Variants in FOXP1 observed in about 807,000 individuals in gnomAD.
The protein encoded by FOXP1 is forkhead box protein P1.
A neutral mutation model predicts 98.2 loss-of-function variants in FOXP1; 15 were observed. The observed-to-expected ratio is 0.15, with a 90% confidence interval of 0.10 to 0.24. FOXP1 has a LOEUF of 0.24. FOXP1 is among the 10% of genes least tolerant of loss of function. FOXP1 has a pLI of 1.00. For missense variants in FOXP1, 633 were observed against 848.5 expected, an observed-to-expected ratio of 0.75 and a Z score of 3.15; for synonymous variants, 371 against 314.5, an observed-to-expected ratio of 1.18 and a Z score of -1.90.
intron 10 of FOXP1, among the ~76,000 whole-genome samples, chr3:71,043,113 C>T (rs1057378494): frequency 1.3e-5 from 2 of 152,134 alleles, no homozygotes; most frequent in African/African-American, 4.8e-5. Context: ...TCCCTCCTAA[C>T]GGTTCTCCAC....
rs185935783 is a variant in FOXP1 at position 71,461,756 on chromosome 3, C to T, written c.-168+31670G>A. Among the ~76,000 whole-genome samples the T allele has an allele frequency of 1.4e-4, 21 of 150,838 alleles. No individual in the cohort carries two copies. In the East Asian group the frequency reaches 3.7e-3, roughly 27 times the overall value. On this transcript the variant is annotated intron_variant, in intron 3 of 20. Transcript: ENST00000649528. ...CAAAGGGTGCAGTGAGCCAAGATCG[C>T]GCCACTGCACTCCAGCCTGGGAAAA...
chr3:71,555,153 T>C (rs769471008), intron 2 of FOXP1, among the ~76,000 whole-genome samples: 1 of 152,234 alleles, frequency 6.6e-6, no homozygotes, highest in Non-Finnish European at 1.5e-5. Flanking sequence ...ACCTACTTTA[T>C]TAAGAACACT....
At chr3:71,343,032 A>G (rs2077106328) in intron 4 of FOXP1, among the ~76,000 whole-genome samples, 1 of 152,246 alleles carries the variant, frequency 6.6e-6, no homozygotes, top group African/African-American at 2.4e-5. Context: ...TAGTACTTAC[A>G]AGAACTCAGT....
At chr3:71,121,129 A>G (rs2058734387) in intron 6 of FOXP1, among the ~76,000 whole-genome samples, 1 of 151,308 alleles carries the variant, frequency 6.6e-6, no homozygotes, top group Non-Finnish European at 1.5e-5. Context: ...TGCCTGCATT[A>G]GCGTTGTGAG....
At position 71,583,574 on chromosome 3, in the gene FOXP1, C is replaced by T. The variant is rs1403066682; in HGVS notation, c.-450G>A. ...AAATGGAAAAATACAAACTCACCCG[C>T]TGCAAATGGTCTCTCGGTGCAAACT... is the stretch of plus-strand genomic sequence containing the variant. On this transcript the variant is annotated 5_prime_UTR_variant, in exon 1 of 21. Transcript: ENST00000649528. 1.0e-6 allele frequency: 1 copy of T among 983,656 alleles called. No individual in the cohort carries two copies. The highest frequency in any genetic ancestry group is 1.2e-6 in the Non-Finnish European group (1 of 829,522). 60.9% of individuals were successfully genotyped at this position (983,656 alleles called of 1,614,324 possible).
chr3:70,996,926 C>T (rs1294914923), intron 13 of FOXP1, among the ~76,000 whole-genome samples: 1 of 152,170 alleles, frequency 6.6e-6, no homozygotes, highest in African/African-American at 2.4e-5. Context: ...CAGTGATCAT[C>T]CCCCTTTGGA....
intron 5 of FOXP1, among the ~76,000 whole-genome samples, chr3:71,260,537 AT>A (rs35677326): frequency 6.2e-4 from 89 of 143,124 alleles, no homozygotes; most frequent in Admixed American, 1.3e-3. Context: ...ATTTCCTTTA[AT>A]TTTTTTTTTT....
At chr3:71,414,638 G>A (rs2083063938) in intron 3 of FOXP1, among the ~76,000 whole-genome samples, 1 of 152,222 alleles carries the variant, frequency 6.6e-6, no homozygotes, top group Non-Finnish European at 1.5e-5. Flanking sequence ...TTCTAGACGT[G>A]CCCCAGCCCG....
chr3:71,126,809 G>C (rs2059216909), intron 6 of FOXP1, among the ~76,000 whole-genome samples: 1 of 139,950 alleles, frequency 7.1e-6, no homozygotes, highest in African/African-American at 2.7e-5. Context: ...GGGTTACAGA[G>C]CAAGACTCTG....
At chr3:70,993,919 G>A (rs567527091) in intron 13 of FOXP1, among the ~76,000 whole-genome samples, 8 of 151,760 alleles carry the variant, frequency 5.3e-5, no homozygotes, top group South Asian at 2.1e-4. Context: ...GCTTGAACCC[G>A]GGAGGTGGAA....
rs2108382372 is a variant in FOXP1 at position 71,198,348 on chromosome 3, T to A, written c.34A>T (p.Asn12Tyr). Reference protein sequence around the residue: ...MQESGTETKSNGSAIQNGSGG... With the variant: ...MQESGTETKSYGSAIQNGSGG... Reference sequence around the variant, plus strand: ...GACCCATTCTGGATGGCTGAACCGTTACTTTTTGTCTCAGTCCCAGATTCT... The same window carrying A: ...GACCCATTCTGGATGGCTGAACCGTAACTTTTTGTCTCAGTCCCAGATTCT... The change falls in exon 6 of 21, where the codon AAC (asparagine) becomes TAC (tyrosine). Residue 12 changes from asparagine to tyrosine, a missense_variant. Physicochemically the swap from Asn to Tyr is moderately radical, Grantham distance 143 (BLOSUM62 -2). Around this residue, in one of 6 missense-constraint regions of FOXP1, gnomAD observed 103 missense variants for 85.5 expected, o/e 1.20. Coordinates refer to ENST00000649528, the MANE Select transcript of FOXP1 (RefSeq NM_001349338.3). The A allele has an allele frequency of 6.3e-7, 1 of 1,590,218 alleles. No individual in the cohort carries two copies. The highest frequency in any genetic ancestry group is 1.4e-5 in the African/African-American group (1 of 73,554).
intron 2 of FOXP1, among the ~76,000 whole-genome samples, chr3:71,502,169 A>G (rs2041435064): frequency 6.6e-6 from 1 of 152,220 alleles, no homozygotes; most frequent in African/African-American, 2.4e-5. Flanking sequence ...TAAATGGCAG[A>G]AAACACAAAC....
At chr3:71,417,092 G>T (rs1410662033) in intron 3 of FOXP1, among the ~76,000 whole-genome samples, 1 of 152,162 alleles carries the variant, frequency 6.6e-6, no homozygotes, top group Non-Finnish European at 1.5e-5. Flanking sequence ...ACTAGAGGAG[G>T]TCCTTACAAA....
chr3:71,466,476 C>T (rs917912966), intron 3 of FOXP1, among the ~76,000 whole-genome samples: 2 of 152,194 alleles, frequency 1.3e-5, no homozygotes, highest in East Asian at 3.8e-4. Flanking sequence ...AACAGAGAAG[C>T]TATTTAATCA....
At position 71,265,123 on chromosome 3, in the gene FOXP1, G is replaced by A. The variant is rs113203471; in HGVS notation, c.-12+34697C>T. 4.3e-3 allele frequency among the ~76,000 whole-genome samples: 650 copies of A among 152,252 alleles called. 3 individuals carry two copies. The highest frequency in any genetic ancestry group is 0.015 in the African/African-American group (616 of 41,562). ...TTCCAGGAATCTATAGGTGACTGGG[G>A]GAGGAAATACAGAAAGAGAAAACAA... On this transcript the variant is annotated intron_variant, in intron 5 of 20. Transcript: ENST00000649528.
intron 3 of FOXP1, among the ~76,000 whole-genome samples, chr3:71,405,367 G>A (rs560084020): frequency 3.3e-5 from 5 of 152,318 alleles, no homozygotes; most frequent in East Asian, 1.9e-4. Flanking sequence ...ATCACCTTAC[G>A]AGTAAAAACA....
intron 6 of FOXP1, among the ~76,000 whole-genome samples, chr3:71,155,533 T>C (rs1248798822): frequency 2.0e-5 from 3 of 152,170 alleles, no homozygotes; most frequent in Admixed American, 2.0e-4. Flanking sequence ...AAGAGCCCCA[T>C]GGGACCAGTA....
At chr3:71,321,595 G>A (rs565212122) in intron 4 of FOXP1, among the ~76,000 whole-genome samples, 1 of 151,942 alleles carries the variant, frequency 6.6e-6, no homozygotes, top group East Asian at 1.9e-4. Context: ...TAACTGGCAG[G>A]CATAATTCAA....
At chr3:71,179,913 T>C (rs542867375) in intron 6 of FOXP1, among the ~76,000 whole-genome samples, 3 of 152,354 alleles carry the variant, frequency 2.0e-5, no homozygotes, top group Admixed American at 1.3e-4. Context: ...CAATTTCCAA[T>C]TGAAAACATC....
Sources: gnomAD v4.1 joint callset for allele counts (sites outside exome capture counted in the v4.1 genomes callset) on GRCh38, gnomAD v4.1.1 for gene constraint, gnomAD v4.1.1 regional missense constraint, MANE v1.5 for transcripts, NCBI Gene and HGNC (gene_info 2026-07-23, HGNC 2026-07-21) for gene names.